COL4A1: variants seen among roughly 807,000 people sequenced by gnomAD.
COL4A1 encodes collagen alpha-1(IV) chain.
In COL4A1, 40 loss-of-function variants were observed where a neutral mutation model predicts 216.6. The ratio of observed to expected loss-of-function variants is 0.18; its 90% confidence interval spans 0.14 to 0.24. The LOEUF is 0.24. Among genes scored for constraint, COL4A1 ranks in the 10% least tolerant of loss-of-function variants. The pLI is 1.00. For synonymous variants in COL4A1, 839 were observed against 810.7 expected (o/e 1.03, Z -0.59); for missense variants, 1,628 against 2,196.8 (o/e 0.74, Z 5.18).
intron 1 of COL4A1, among the ~76,000 whole-genome samples, chr13:110,264,103 C>T (rs955352715): frequency 6.6e-6 from 1 of 152,144 alleles, no homozygotes; most frequent in African/African-American, 2.4e-5. Flanking sequence ...CCCCAGACTG[C>T]GTCCCCAACC....
rs751501177 is a variant in COL4A1, at chr13:110,222,771, T to TAAAAAAAAA, written c.145-8757_145-8756insTTTTTTTTT. On this transcript the variant is annotated intron_variant, in intron 2 of 51. Transcript: ENST00000375820. ...CTGGGCGACAGAGCCAGACTCTGCT[T>TAAAAAAAAA]TAAAAAAAAAAAAAAAAAAAAAAAA... Among the ~76,000 whole-genome samples, 125 of 93,390 alleles carry TAAAAAAAAA rather than the reference T, an allele frequency of 1.3e-3. 13 individuals carry two copies. The highest frequency in any genetic ancestry group is 9.2e-3 in the East Asian group (27 of 2,936). The allele number at this position is 93,390 out of a possible 152,430, so 61.3% of individuals were successfully genotyped here.
chr13:110,304,473 A>G (rs1884608027), intron 1 of COL4A1, among the ~76,000 whole-genome samples: 1 of 152,168 alleles, frequency 6.6e-6, no homozygotes, highest in African/African-American at 2.4e-5. Context: ...GCTAGAGGGG[A>G]GTGTGAAAGC....
At chr13:110,182,738 C>T (rs1377975206) in intron 28 of COL4A1, among the ~76,000 whole-genome samples, 1 of 152,236 alleles carries the variant, frequency 6.6e-6, no homozygotes, top group South Asian at 2.1e-4. Flanking sequence ...TGGGTTTCAG[C>T]GGGCACCATT....
intron 1 of COL4A1, among the ~76,000 whole-genome samples, chr13:110,284,506 A>C (rs1883762082): frequency 6.6e-6 from 1 of 152,322 alleles, no homozygotes; most frequent in Non-Finnish European, 1.5e-5. Flanking sequence ...AAATAGAAAA[A>C]TCTAATGCAC....
At chr13:110,164,674 T>G (rs1041565634) in intron 46 of COL4A1, among the ~76,000 whole-genome samples, 188 bp downstream of exon 46, 1 of 152,216 alleles carries the variant, frequency 6.6e-6, no homozygotes, top group African/African-American at 2.4e-5. Context: ...TCTTCTGGAT[T>G]TTTTTTAGGT....
intron 1 of COL4A1, among the ~76,000 whole-genome samples, chr13:110,306,373 T>C (rs1014321101): frequency 1.3e-5 from 2 of 152,248 alleles, no homozygotes; most frequent in African/African-American, 4.8e-5. Context: ...ACTTCTGCCT[T>C]GGAGCGCGCC....
At chr13:110,231,373 G>A (rs9555677) in intron 2 of COL4A1, among the ~76,000 whole-genome samples, 114,527 of 152,138 alleles carry the variant, frequency 0.75, 44,381 homozygotes, top group Middle Eastern at 0.86. Flanking sequence ...AAAACCTGAC[G>A]TCAAACAGGG....
intron 1 of COL4A1, among the ~76,000 whole-genome samples, chr13:110,288,860 T>C (rs57931605): frequency 0.18 from 27,492 of 152,000 alleles, 2,582 homozygotes; most frequent in South Asian, 0.23. Flanking sequence ...GGTGAAACCC[T>C]ATCTCTACTA....
At chr13:110,187,408 T>G (rs567472188) in intron 24 of COL4A1, 79 bp from the exon 25 acceptor site, 13 of 1,541,064 alleles carry the variant, frequency 8.4e-6, no homozygotes, top group Non-Finnish European at 1.2e-5. Context: ...CAAGCAACCA[T>G]AGAATCAAGA....
At chr13:110,223,671 A>G (rs1335944475) in intron 2 of COL4A1, among the ~76,000 whole-genome samples, 1 of 152,236 alleles carries the variant, frequency 6.6e-6, no homozygotes, top group East Asian at 1.9e-4. Flanking sequence ...TCAGAGGCCA[A>G]AATCAGCCAC....
chr13:110,246,395 T>G (rs1881814407), intron 1 of COL4A1, among the ~76,000 whole-genome samples: 1 of 137,638 alleles, frequency 7.3e-6, no homozygotes, highest in South Asian at 2.6e-4. Flanking sequence ...CACTCAGGTG[T>G]AATGTATAAG....
intron 19 of COL4A1, 136 bp downstream of exon 19, chr13:110,201,302 G>A (rs572390892): frequency 9.5e-5 from 57 of 602,050 alleles, no homozygotes; most frequent in Non-Finnish European, 1.5e-4. Flanking sequence ...AGGAGGGGGC[G>A]GAGGAAGAGA....
chr13:110,281,383 A>G (rs561096347), intron 1 of COL4A1, among the ~76,000 whole-genome samples: 11 of 152,242 alleles, frequency 7.2e-5, no homozygotes, highest in Non-Finnish European at 1.6e-4. Context: ...ATTTCAAAAT[A>G]CTTTATGAAC....
intron 2 of COL4A1, among the ~76,000 whole-genome samples, chr13:110,220,177 ATTT>A (rs1880406521): frequency 6.6e-6 from 1 of 151,896 alleles, no homozygotes; most frequent in African/African-American, 2.4e-5. Context: ...ACCTCATGTG[ATTT>A]GTCCGCCTTG....
At chr13:110,197,649 T>C (rs929862606) in intron 21 of COL4A1, among the ~76,000 whole-genome samples, 1 of 152,234 alleles carries the variant, frequency 6.6e-6, no homozygotes, top group African/African-American at 2.4e-5. Flanking sequence ...CAGGCTGGAA[T>C]CCATGGCTCC....
chr13:110,228,309 C>T (rs1440692288), intron 2 of COL4A1, among the ~76,000 whole-genome samples: 1 of 152,006 alleles, frequency 6.6e-6, no homozygotes, highest in Non-Finnish European at 1.5e-5. Context: ...TTCTCTGTCA[C>T]TGGGTGAAGC....
At position 110,253,389 on chromosome 13, in the gene COL4A1, CATAT is replaced by C. The variant is rs1566418098; in HGVS notation, c.85-10659_85-10656del. Among the ~76,000 whole-genome samples the C allele has an allele frequency of 1.6e-3, 35 of 22,474 alleles. 4 individuals carry two copies. Among genetic ancestry groups the C allele is most frequent in the African/African-American group, 6.6e-3 (35 of 5,264 alleles). The allele number at this position is 22,474 out of a possible 152,430, so 14.7% of individuals were successfully genotyped here. A position where few individuals can be genotyped will look rare whatever the true frequency, so the allele number is the denominator to read the frequency against. ...CATATACATATAATTATATGTATTA[CATAT>C]ACATATAATTATATGTATTACATAT... is the stretch of plus-strand genomic sequence containing the variant. On this transcript the variant is annotated intron_variant, in intron 1 of 51. Coordinates refer to ENST00000375820, the MANE Select transcript of COL4A1 (RefSeq NM_001845.6).
intron 46 of COL4A1, 132 bp from the exon 47 acceptor site, chr13:110,163,693 C>A: frequency 1.1e-6 from 1 of 892,156 alleles, no homozygotes; most frequent in Non-Finnish European, 1.8e-6. Context: ...AACGTTTTCT[C>A]GGACAGCCAG....
intron 46 of COL4A1, among the ~76,000 whole-genome samples, chr13:110,164,163 A>G (rs1394259619): frequency 6.6e-6 from 1 of 150,958 alleles, no homozygotes; most frequent in African/African-American, 2.4e-5. Context: ...TAATTTTATC[A>G]TTATTATTTT....
Sources: gnomAD v4.1 joint callset for allele counts (sites outside exome capture counted in the v4.1 genomes callset) on GRCh38, gnomAD v4.1.1 for gene constraint, MANE v1.5 for transcripts, NCBI Gene and HGNC (gene_info 2026-07-23, HGNC 2026-07-21) for gene names.